HADHA: variants seen among roughly 807,000 people sequenced by gnomAD.
HADHA encodes trifunctional enzyme subunit alpha, mitochondrial.
In HADHA, 59 loss-of-function variants were observed where a neutral mutation model predicts 91.3. The ratio of observed to expected loss-of-function variants is 0.65; its 90% CI spans 0.52 to 0.80. HADHA has a LOEUF of 0.80. Ranked by LOEUF, HADHA falls within the 30% of genes least tolerant of loss-of-function variation. The pLI, the probability that HADHA is intolerant of heterozygous loss-of-function variation, is 0.00. For missense variants in HADHA, 800 were observed against 927.6 expected (o/e 0.86, Z 1.79); for synonymous variants, 320 against 338.9 (o/e 0.94, Z 0.61).
Position 26,194,583 on chromosome 2 carries a change from A to G in HADHA, c.1676T>C (p.Ile559Thr). The stretch of plus-strand genomic sequence containing the variant: ...AGCAATACCAACCTGGAGGATTCGG[A>G]TGACTTCAGACATCATGGGCGCAAG... ...RCLAPMMSEVIRILQEGVDPK... is the reference protein window; with the variant it reads ...RCLAPMMSEVTRILQEGVDPK... The change falls in exon 16 of 20, where the codon ATC (isoleucine) becomes ACC (threonine). Residue 559 changes from isoleucine (I) to threonine (T), a missense_variant. By Grantham distance (89) the Ile-to-Thr change is moderately conservative (BLOSUM62 -1). Transcript: ENST00000380649. 6.2e-7 allele frequency: 1 copy of G among 1,608,590 alleles called. No individual in the cohort carries two copies. The highest frequency in any genetic ancestry group is 8.5e-7 in the Non-Finnish European group (1 of 1,174,990).
chr2:26,198,012 A>G (rs991588740), intron 13 of HADHA, among the ~76,000 whole-genome samples: 7 of 152,200 alleles, frequency 4.6e-5, no homozygotes, highest in African/African-American at 1.7e-4. Flanking sequence ...GCCCATCATA[A>G]GGTCACCTTA....
Position 26,212,705 on chromosome 2 carries a change from T to C in HADHA, c.919-79A>G. On this transcript the variant is annotated intron_variant, in intron 9 of 19. Coordinates refer to ENST00000380649, the MANE Select transcript of HADHA (RefSeq NM_000182.5). ...CAATAATGCTGAATAAAATTGCCAGTGTTGTTAGTCCTCAAAGAGTAAGTC... is the reference window on the plus strand; with the variant it reads ...CAATAATGCTGAATAAAATTGCCAGCGTTGTTAGTCCTCAAAGAGTAAGTC... 2.2e-6 allele frequency: 2 copies of C among 928,524 alleles called. 1 individual carries two copies. Among genetic ancestry groups the C allele is most frequent in the Non-Finnish European group, 3.6e-6 (2 of 553,818 alleles). 57.5% of individuals were successfully genotyped at this position (928,524 alleles called of 1,614,324 possible). A position where few individuals can be genotyped will look rare whatever the true frequency, so the allele number is the denominator to read the frequency against.
Position 26,238,969 on chromosome 2 carries a change from C to T in HADHA, c.145G>A (p.Val49Met). 1 of 1,609,702 alleles carries T rather than the reference C, an allele frequency of 6.2e-7. No homozygotes were observed. Among genetic ancestry groups the T allele is most frequent in the Non-Finnish European group, 8.5e-7 (1 of 1,176,724 alleles). ...GGAGAGTTAATTCGAACAACTGCCA[C>T]ATCCCCTTTGACTCCATAGTTAATA... ...THINYGVKGD[V>M]AVVRINSPNS... The change falls in exon 3 of 20, where the codon GTG becomes ATG. Residue 49 changes from valine to methionine, a missense_variant. Physicochemically the swap from Val to Met is conservative, Grantham distance 21. Coordinates refer to ENST00000380649, the MANE Select transcript of HADHA (RefSeq NM_000182.5).
At chr2:26,205,157 AT>A (rs1428110138) in intron 11 of HADHA, among the ~76,000 whole-genome samples, 1 of 152,162 alleles carries the variant, frequency 6.6e-6, no homozygotes, top group Non-Finnish European at 1.5e-5. Flanking sequence ...CTGCTTATTC[AT>A]TTTAGTTCCC....
At chr2:26,197,174 TACTC>T (rs1428996910) in intron 14 of HADHA, among the ~76,000 whole-genome samples, 1 of 152,222 alleles carries the variant, frequency 6.6e-6, no homozygotes, top group Non-Finnish European at 1.5e-5. Context: ...TCCCCTTAAT[TACTC>T]TGGTTGAGAG....
chr2:26,195,533 C>T (rs778540975), intron 14 of HADHA, among the ~76,000 whole-genome samples: 5 of 130,080 alleles, frequency 3.8e-5, no homozygotes, highest in Non-Finnish European at 7.7e-5. Flanking sequence ...TGGGGAACGA[C>T]GGATGAAGGT....
chr2:26,224,480 C>A (rs1242678927), intron 7 of HADHA, among the ~76,000 whole-genome samples: 2 of 152,000 alleles, frequency 1.3e-5, no homozygotes, highest in African/African-American at 2.4e-5. Context: ...TATAATTAAC[C>A]AAATATTTGT....
chr2:26,201,414 A>G lies in HADHA; in HGVS notation c.1221-94T>C, dbSNP rs541273168. 546 of 828,754 alleles carry G rather than the reference A, an allele frequency of 6.6e-4. 8 individuals are homozygous for G. The highest frequency in any genetic ancestry group is 5.3e-3 in the South Asian group (357 of 67,572). 51.3% of individuals were successfully genotyped at this position (828,754 alleles called of 1,614,324 possible). A position where few individuals can be genotyped will look rare whatever the true frequency, so the allele number is the denominator to read the frequency against. The stretch of plus-strand genomic sequence containing the variant: ...CAGAGCACACCTGTGTTTTTCACCA[A>G]CTCTGTGAGGTAGTTATTCTATTAC... On this transcript the variant is annotated intron_variant, in intron 12 of 19. Transcript: ENST00000380649.
At position 26,232,941 on chromosome 2, in the gene HADHA, T is replaced by C. The variant is rs191359901; in HGVS notation, c.454-662A>G. ...TTTTTGACGCCAGGGACAGGTTTTGTGAAAGGCAATTTTTCCAAGAACTGG... is the reference window on the plus strand; with the variant it reads ...TTTTTGACGCCAGGGACAGGTTTTGCGAAAGGCAATTTTTCCAAGAACTGG... On this transcript the variant is annotated intron_variant, in intron 5 of 19. Coordinates refer to ENST00000380649, the MANE Select transcript of HADHA (RefSeq NM_000182.5). Among the ~76,000 whole-genome samples, 1,207 of 120,810 alleles carry C rather than the reference T, an allele frequency of 1.0e-2. 10 individuals carry two copies. Among genetic ancestry groups the C allele is most frequent in the Admixed American group, 0.015 (144 of 9,840 alleles). 79.3% of individuals were successfully genotyped at this position (120,810 alleles called of 152,430 possible).
At chr2:26,211,715 C>T (rs575890076) in intron 10 of HADHA, among the ~76,000 whole-genome samples, 8 of 152,278 alleles carry the variant, frequency 5.3e-5, no homozygotes, top group African/African-American at 9.6e-5. Context: ...CTTCGATGAT[C>T]GTTTAAAACT....
At position 26,236,978 on chromosome 2, in the gene HADHA, A is replaced by G. The variant is rs1221472546; in HGVS notation, c.191T>C (p.Leu64Pro). 1 of 1,609,262 alleles carries G rather than the reference A, an allele frequency of 6.2e-7. No individual in the cohort carries two copies. The highest frequency in any genetic ancestry group is 8.5e-7 in the Non-Finnish European group (1 of 1,175,532). The change falls in exon 4 of 20, where the codon CTG becomes CCG. Residue 64 changes from leucine (L) to proline (P), a missense_variant. Physicochemically the swap from Leu to Pro is moderately conservative, Grantham distance 98. Coordinates refer to ENST00000380649, the MANE Select transcript of HADHA (RefSeq NM_000182.5). The stretch of plus-strand genomic sequence containing the variant: ...GAACTCTGAATGTAGCTCTTTACTC[A>G]GTGTATTTACCTGCCAAAGGGAAAT... ...INSPNSKVNTLSKELHSEFSE... is the reference protein window; with the variant it reads ...INSPNSKVNTPSKELHSEFSE...
intron 1 of HADHA, among the ~76,000 whole-genome samples, chr2:26,240,592 G>A (rs941715642): frequency 1.3e-5 from 2 of 152,156 alleles, no homozygotes; most frequent in Non-Finnish European, 1.5e-5. Flanking sequence ...AAATATGTTA[G>A]AAAATAAGCA....
At chr2:26,234,497 T>G in intron 4 of HADHA, 142 bp from the exon 5 acceptor site, 1 of 774,264 alleles carries the variant, frequency 1.3e-6, no homozygotes, top group Non-Finnish European at 2.2e-6. Flanking sequence ...AGAATGATTT[T>G]GCTTCAAATA....
intron 7 of HADHA, among the ~76,000 whole-genome samples, chr2:26,224,976 T>C (rs1336505704): frequency 6.6e-6 from 1 of 152,200 alleles, no homozygotes; most frequent in African/African-American, 2.4e-5. Flanking sequence ...TGCAATAAAT[T>C]TGGCAAATTG....
intron 6 of HADHA, among the ~76,000 whole-genome samples, chr2:26,231,846 G>C (rs1489996824): frequency 1.3e-5 from 2 of 151,938 alleles, no homozygotes; most frequent in Admixed American, 6.6e-5. Flanking sequence ...GTGCACGCCT[G>C]TAATTCCAGC....
chr2:26,228,743 C>T (rs113692237), intron 7 of HADHA, among the ~76,000 whole-genome samples: 195 of 152,278 alleles, frequency 1.3e-3, no homozygotes, highest in African/African-American at 4.4e-3. Flanking sequence ...GTGATCATAG[C>T]TCACTACAGC....
chr2:26,212,090 CTT>C, intron 10 of HADHA: 1 of 165,212 alleles, frequency 6.1e-6, no homozygotes, highest in Non-Finnish European at 1.3e-5. Flanking sequence ...TCTTTTTTTT[CTT>C]TTTTTTTGGA....
Position 26,221,932 on chromosome 2 carries a change from G to A in HADHA, c.677-6757C>T, listed in dbSNP as rs1670384247. Among the ~76,000 whole-genome samples, 1 of 152,210 alleles carries A rather than the reference G, an allele frequency of 6.6e-6. No homozygotes were observed. The highest frequency in any genetic ancestry group is 1.5e-5 in the Non-Finnish European group (1 of 68,036). On this transcript the variant is annotated intron_variant, in intron 7 of 19. Coordinates refer to ENST00000380649, the MANE Select transcript of HADHA (RefSeq NM_000182.5). This position sits in a 1 kb window ranked among gnomAD's most constrained non-coding sequence, Gnocchi z 4.8. ...TCTGATTCATAGGCCGTGGCAAACG[G>A]TTTGCCTGGGTGGTAAGGAACTTAC...
At chr2:26,218,505 A>G (rs944994956) in intron 7 of HADHA, among the ~76,000 whole-genome samples, 21 of 152,210 alleles carry the variant, frequency 1.4e-4, no homozygotes, top group Non-Finnish European at 4.4e-5. Context: ...AAAAGCACTA[A>G]AAATGGTAAC....
Sources: allele counts gnomAD v4.1 joint callset (sites outside exome capture counted in the v4.1 genomes callset), GRCh38; gene constraint gnomAD v4.1.1; non-coding constraint Gnocchi (gnomAD v3.1); transcripts MANE v1.5; gene names NCBI Gene and HGNC (gene_info 2026-07-23, HGNC 2026-07-21).